SSBP4: variants seen among roughly 807,000 people sequenced by gnomAD.
SSBP4 encodes the protein single stranded DNA binding protein 4.
A neutral mutation model predicts 64.6 loss-of-function variants in SSBP4; 33 were observed. The ratio of observed to expected loss-of-function variants is 0.51; its 90% confidence interval spans 0.39 to 0.68. The LOEUF (loss-of-function observed/expected upper bound fraction) is 0.68, where lower values mean the gene tolerates loss of function less well. SSBP4 is among the 30% of genes least tolerant of loss of function. The pLI is 0.00. For missense variants in SSBP4, 583 were observed against 566.8 expected (o/e 1.03, Z -0.29); for synonymous variants, 243 against 224.0 (o/e 1.08, Z -0.76).
At chr19:18,420,850 C>CAA (rs34523547) in intron 1 of SSBP4, among the ~76,000 whole-genome samples, 2 of 137,106 alleles carry the variant, frequency 1.5e-5, no homozygotes, top group Non-Finnish European at 3.2e-5. Flanking sequence ...GATTCCATCT[C>CAA]AAAAAAAAAA....
chr19:18,412,333 C>T, the SSBP4 span, among the ~76,000 whole-genome samples: 1 of 151,286 alleles, frequency 6.6e-6, no homozygotes, highest in Non-Finnish European at 1.5e-5. Flanking sequence ...TGGTGGCAGG[C>T]GCCTGTAATC....
chr19:18,428,287 A>T (rs963400815), intron 4 of SSBP4, among the ~76,000 whole-genome samples: 2 of 152,112 alleles, frequency 1.3e-5, no homozygotes, highest in African/African-American at 4.8e-5. Context: ...ATTTCCCCGC[A>T]TCTCATGTGA....
rs942389943 is a variant in SSBP4 at position 18,428,128 on chromosome 19, C to T, written c.279+146C>T. ...GGTTGACAGGCAGAGCTGCAGCCTCCACTCAGGCTCTTGGCCACTTTTGGG... is the reference window on the plus strand; with the variant it reads ...GGTTGACAGGCAGAGCTGCAGCCTCTACTCAGGCTCTTGGCCACTTTTGGG... On this transcript the variant is annotated intron_variant, in intron 4 of 17. Coordinates refer to ENST00000270061, the MANE Select transcript of SSBP4 (RefSeq NM_032627.5). The T allele has an allele frequency of 4.4e-6, 4 of 909,444 alleles. No individual in the cohort carries two copies. The South Asian group carries it at 6.6e-5, about 15-fold the overall frequency. The allele number at this position is 909,444 out of a possible 1,614,324, so 56.3% of individuals were successfully genotyped here. A position where few individuals can be genotyped will look rare whatever the true frequency, so the allele number is the denominator to read the frequency against.
the SSBP4 span, among the ~76,000 whole-genome samples, chr19:18,407,501 C>T: frequency 6.6e-6 from 1 of 151,992 alleles, no homozygotes; most frequent in Non-Finnish European, 1.5e-5. Context: ...ACTGCAAGCT[C>T]CGCCCCCCGG....
rs750517445 is a variant in SSBP4 at position 18,427,393 on chromosome 19, C to A, written c.102C>A (p.Ala34=). Residue 34 remains alanine (A), a synonymous_variant, in exon 2 of 18, where the codon GCC becomes GCA. Transcript: ENST00000270061. This position sits in a 1 kb window ranked among gnomAD's most constrained non-coding sequence, Gnocchi z 4.4. The stretch of plus-strand genomic sequence containing the variant: ...ATGAGTACCTGCTGCACATCGGTGC[C>A]CAGAAGTCAGCCCAGACCTTCCTGT... The part of the protein sequence containing the change: ...YVYEYLLHIG[A]QKSAQTFLSE... The A allele has an allele frequency of 6.2e-7, 1 of 1,611,008 alleles. No individual in the cohort carries two copies. Among genetic ancestry groups the A allele is most frequent in the Admixed American group, 1.7e-5 (1 of 60,006 alleles).
chr19:18,425,969 G>A (rs1972827362), intron 1 of SSBP4: 1 of 152,424 alleles, frequency 6.6e-6, no homozygotes, highest in Non-Finnish European at 1.5e-5. Context: ...GGCCGGGTGT[G>A]TGCACTGCGC....
intron 1 of SSBP4, among the ~76,000 whole-genome samples, chr19:18,422,295 A>G (rs894094683): frequency 5.9e-5 from 9 of 152,138 alleles, no homozygotes; most frequent in Non-Finnish European, 7.4e-5. Flanking sequence ...CCCCCTTCCC[A>G]TACTGTCCTC....
intron 4 of SSBP4, among the ~76,000 whole-genome samples, chr19:18,430,140 C>G (rs1356833254): frequency 6.6e-6 from 1 of 152,100 alleles, no homozygotes; most frequent in Non-Finnish European, 1.5e-5. Context: ...AGACAGGGGC[C>G]AGGAGAGAAG....
Position 18,430,827 on chromosome 19 carries a change from C to T in SSBP4, c.280-14C>T, listed in dbSNP as rs1261260414. 5.0e-6 allele frequency: 8 copies of T among 1,603,020 alleles called. No individual in the cohort carries two copies. In the East Asian group the frequency reaches 1.8e-4, roughly 36 times the overall value. On this transcript the variant is annotated splice_polypyrimidine_tract_variant and intron_variant, in intron 4 of 17. Coordinates refer to ENST00000270061, the MANE Select transcript of SSBP4 (RefSeq NM_032627.5). The stretch of plus-strand genomic sequence containing the variant: ...GTCCTGACCTGGCCCTCTGGGTTTC[C>T]CGCACCCTTACAGAGTGCTGCAGCC...
At chr19:18,415,707 G>A (rs1040821090), upstream of SSBP4, among the ~76,000 whole-genome samples, 11 of 152,164 alleles carry the variant, frequency 7.2e-5, no homozygotes, top group Admixed American at 3.9e-4. Flanking sequence ...GAGAAAAAGC[G>A]TTCCAGGCGG....
At chr19:18,414,020 A>AAAC (rs1972113013), upstream of SSBP4, among the ~76,000 whole-genome samples, 2 of 150,830 alleles carry the variant, frequency 1.3e-5, no homozygotes, top group African/African-American at 2.4e-5. Context: ...CCATCTCAAA[A>AAAC]AAACAAACAA....
Position 18,433,005 on chromosome 19 carries a change from A to G in SSBP4, c.874A>G (p.Ile292Val). ...STNSSENMYT[I>V]MNPIGQGAGR... Reference sequence around the variant, plus strand: ...CAACTCCAGCGAAAACATGTACACTATCATGAACCCCATCGGGCAGGGCGC... The same window carrying G: ...CAACTCCAGCGAAAACATGTACACTGTCATGAACCCCATCGGGCAGGGCGC... The change falls in exon 14 of 18, where the codon ATC (isoleucine) becomes GTC (valine). Residue 292 changes from isoleucine to valine, a missense_variant. By Grantham distance (29) the Ile-to-Val change is conservative. Around this residue, in one of 5 missense-constraint regions of SSBP4, gnomAD observed 444 missense variants for 386.6 expected, o/e 1.15. Transcript: ENST00000270061. 1 of 1,614,106 alleles carries G rather than the reference A, an allele frequency of 6.2e-7. No homozygotes were observed. Among genetic ancestry groups the G allele is most frequent in the Non-Finnish European group, 8.5e-7 (1 of 1,180,016 alleles).
At chr19:18,414,301 C>T (rs189526795), upstream of SSBP4, among the ~76,000 whole-genome samples, 8 of 152,240 alleles carry the variant, frequency 5.3e-5, no homozygotes, top group East Asian at 5.8e-4. Flanking sequence ...GGTTCCTTTA[C>T]GAGCCTCAGT....
the SSBP4 span, among the ~76,000 whole-genome samples, chr19:18,411,553 T>C: frequency 3.0e-4 from 46 of 151,898 alleles, 1 homozygote; most frequent in East Asian, 4.5e-3. Flanking sequence ...AAACAGAGGT[T>C]TGGGGACCTC....
At chr19:18,431,772 G>GCACCC (rs200342407) in intron 7 of SSBP4, 21 bp from the exon 8 acceptor site, 26,724 of 1,540,840 alleles carry the variant, frequency 0.017, 291 homozygotes, top group Non-Finnish European at 0.021. Flanking sequence ...CACACTCAGT[G>GCACCC]CCGCCGCACC....
upstream of SSBP4, among the ~76,000 whole-genome samples, chr19:18,416,949 C>T (rs1197658111): frequency 6.6e-6 from 1 of 152,214 alleles, no homozygotes; most frequent in Non-Finnish European, 1.5e-5. Flanking sequence ...TTTCCGCCAG[C>T]GCCCAGGCTG....
chr19:18,431,750 G>T, intron 7 of SSBP4, 43 bp from the exon 8 acceptor site: 1 of 1,540,136 alleles, frequency 6.5e-7, no homozygotes, highest in Non-Finnish European at 8.8e-7. Context: ...CTGGGCCGGG[G>T]AGGGAGCACC....
At chr19:18,433,635 C>G (rs1472158636) in intron 16 of SSBP4, 22 bp downstream of exon 16, 9 of 774,002 alleles carry the variant, frequency 1.2e-5, no homozygotes, top group South Asian at 3.6e-5. Context: ...GCGCTCTTGC[C>G]GGGGGTGGGA....
chr19:18,429,779 C>T (rs975887467), intron 4 of SSBP4, among the ~76,000 whole-genome samples: 3 of 152,134 alleles, frequency 2.0e-5, no homozygotes, highest in African/African-American at 4.8e-5. Flanking sequence ...GAGTGCTCGC[C>T]GTCACGGTGG....
Sources: gnomAD v4.1 joint callset for allele counts (sites outside exome capture counted in the v4.1 genomes callset) on GRCh38, gnomAD v4.1.1 for gene constraint, gnomAD v4.1.1 regional missense constraint, Gnocchi (gnomAD v3.1) non-coding constraint, MANE v1.5 for transcripts, NCBI Gene and HGNC (gene_info 2026-07-23, HGNC 2026-07-21) for gene names.